The following KRTAP4-4 variants were observed in gnomAD, a reference collection of about 807,000 sequenced individuals.
KRTAP4-4 encodes the protein keratin associated protein 4-4, also known as keratin-associated protein 4-4.
For missense variants in KRTAP4-4, 186 were observed against 206.9 expected, an observed-to-expected ratio of 0.90 and a Z score of 0.62; for synonymous variants, 88 against 76.4, an observed-to-expected ratio of 1.15 and a Z score of -0.79.
In KRTAP4-4 at chr17:41,160,297, C is replaced by G; in HGVS notation, c.395G>C (p.Arg132Thr). 6.2e-7 allele frequency: 1 copy of G among 1,612,786 alleles called. No individual in the cohort carries two copies. The highest frequency in any genetic ancestry group is 8.5e-7 in the Non-Finnish European group (1 of 1,179,624). ...CPSYCVSSCC[R>T]PQCCQTTCCR... ...GCAGGTGGTCTGGCAGCACTGGGGT[C>G]TGCAGCAGCTGGACACACAGTAGCT... is the stretch of plus-strand genomic sequence containing the variant. The change falls in exon 1 of 1, where the codon AGA becomes ACA. Residue 132 changes from arginine (R) to threonine (T), a missense_variant. By Grantham distance (71) the Arg-to-Thr change is moderately conservative (BLOSUM62 -1). Coordinates refer to ENST00000390661, the MANE Select transcript of KRTAP4-4 (RefSeq NM_032524.2).
Position 41,159,696 on chromosome 17 carries a change from T to A in KRTAP4-4, c.*495A>T, listed in dbSNP as rs980851434. Reference sequence around the variant, plus strand: ...TATTTAAGATTTATTTAGATAAATATTTGTTTAAAATGGAATAGCTCCATA... The same window carrying A: ...TATTTAAGATTTATTTAGATAAATAATTGTTTAAAATGGAATAGCTCCATA... On this transcript the variant is annotated 3_prime_UTR_variant, in exon 1 of 1. Coordinates refer to ENST00000390661, the MANE Select transcript of KRTAP4-4 (RefSeq NM_032524.2). The A allele has an allele frequency of 1.2e-5, 2 of 170,214 alleles. No individual in the cohort carries two copies. The highest frequency in any genetic ancestry group is 1.3e-5 in the Non-Finnish European group (1 of 77,938). The allele number at this position is 170,214 out of a possible 1,614,324, so 10.5% of individuals were successfully genotyped here.
rs759134167 is a variant in KRTAP4-4 at position 41,160,268 on chromosome 17, T to C, written c.424A>G (p.Arg142Gly). Residue 142 changes from arginine (R) to glycine (G), a missense_variant, in exon 1 of 1, where the codon AGA (arginine) becomes GGA (glycine). Physicochemically the swap from Arg to Gly is moderately radical, Grantham distance 125. Transcript: ENST00000390661. ...CAGCTGGGGCGGCAGCAGGTGGTTC[T>C]GCAGCAGGTGGTCTGGCAGCACTGG... is the stretch of plus-strand genomic sequence containing the variant. ...RPQCCQTTCC[R>G]TTCCRPSCCV... 6.2e-7 allele frequency: 1 copy of C among 1,612,998 alleles called. No homozygotes were observed. Among genetic ancestry groups the C allele is most frequent in the Admixed American group, 1.7e-5 (1 of 59,942 alleles).
At position 41,160,381 on chromosome 17, in the gene KRTAP4-4, C is replaced by T; in HGVS notation, c.311G>A (p.Ser104Asn). Reference sequence around the variant, plus strand: ...CTGGCAGCACTGGGGCCTGCAGCAGCTGGGGCGGCAGCAGGTGGTCCTACA... The same window carrying T: ...CTGGCAGCACTGGGGCCTGCAGCAGTTGGGGCGGCAGCAGGTGGTCCTACA... ...TCCRTTCCRP[S>N]CCRPQCCQSV... Residue 104 changes from serine to asparagine, a missense_variant, in exon 1 of 1, where the codon AGC becomes AAC. Coordinates refer to ENST00000390661, the MANE Select transcript of KRTAP4-4 (RefSeq NM_032524.2). 1 of 1,610,442 alleles carries T rather than the reference C, an allele frequency of 6.2e-7. No individual in the cohort carries two copies. The highest frequency in any genetic ancestry group is 8.5e-7 in the Non-Finnish European group (1 of 1,179,236).
Position 41,160,670 on chromosome 17 carries a change from A to C in KRTAP4-4, c.22T>G (p.Ser8Ala). The C allele has an allele frequency of 6.2e-7, 1 of 1,612,290 alleles. No homozygotes were observed. Among genetic ancestry groups the C allele is most frequent in the Non-Finnish European group, 8.5e-7 (1 of 1,178,776 alleles). MVNSCCG[S>A]VCSDQGCGLE... is the part of the protein sequence containing the mutation. ...CCACAGCCCTGGTCAGAGCACACAG[A>C]GCCACAACAGGAGTTGACCATGGTG... is the stretch of plus-strand genomic sequence containing the variant. The change falls in exon 1 of 1, where the codon TCT becomes GCT. Residue 8 changes from serine (S) to alanine (A), a missense_variant. Ser to Ala is a moderately conservative substitution (Grantham distance 99). Transcript: ENST00000390661.
Position 41,159,967 on chromosome 17 carries a change from C to T in KRTAP4-4, c.*224G>A. The T allele has an allele frequency of 1.4e-6, 1 of 704,756 alleles. No individual in the cohort carries two copies. Among genetic ancestry groups the T allele is most frequent in the Non-Finnish European group, 2.4e-6 (1 of 414,368 alleles). The allele number at this position is 704,756 out of a possible 1,614,324, so 43.7% of individuals were successfully genotyped here. The stretch of plus-strand genomic sequence containing the variant: ...ATCTGGTGAGTCCAGATGACAGCCT[C>T]AGCAGCAAGAAGCACTAGAGCAGGT... On this transcript the variant is annotated 3_prime_UTR_variant, in exon 1 of 1. Coordinates refer to ENST00000390661, the MANE Select transcript of KRTAP4-4 (RefSeq NM_032524.2).
rs754594744 is a variant in KRTAP4-4 at position 41,160,198 on chromosome 17, C to T, written c.494G>A (p.Cys165Tyr). 2.5e-6 allele frequency: 4 copies of T among 1,613,178 alleles called. No individual in the cohort carries two copies. The South Asian group carries it at 4.4e-5, about 18-fold the overall frequency. Residue 165 changes from cysteine to tyrosine, a missense_variant, in exon 1 of 1, where the codon TGC (cysteine) becomes TAC (tyrosine). Transcript: ENST00000390661. ...CYRPHCGQSL[C>Y]C is the part of the protein sequence containing the mutation. ...GGTTTGCCAGCAGATGGGCTAGCAG[C>T]ATAGAGACTGGCCACAATGGGGCCT...
At position 41,160,272 on chromosome 17, in the gene KRTAP4-4, G is replaced by A; in HGVS notation, c.420C>T (p.Cys140=). 6.2e-7 allele frequency: 1 copy of A among 1,613,826 alleles called. No homozygotes were observed. The change falls in exon 1 of 1, where the codon TGC becomes TGT. Residue 140 remains cysteine, a synonymous_variant. Transcript: ENST00000390661. The stretch of plus-strand genomic sequence containing the variant: ...TGGGGCGGCAGCAGGTGGTTCTGCA[G>A]CAGGTGGTCTGGCAGCACTGGGGTC... ...CCRPQCCQTT[C]CRTTCCRPSC...
chr17:41,159,806 G>C lies in KRTAP4-4; in HGVS notation c.*385C>G. The C allele has an allele frequency of 9.9e-6, 3 of 302,620 alleles. No individual in the cohort carries two copies. Among genetic ancestry groups the C allele is most frequent in the Non-Finnish European group, 6.1e-6 (1 of 162,638 alleles). 18.7% of individuals were successfully genotyped at this position (302,620 alleles called of 1,614,324 possible). ...AATTACAACTTATGTTCATTTGGTA[G>C]AGAGGTAAAATGTGGGGGGAGCATA... is the stretch of plus-strand genomic sequence containing the variant. On this transcript the variant is annotated 3_prime_UTR_variant, in exon 1 of 1. Coordinates refer to ENST00000390661, the MANE Select transcript of KRTAP4-4 (RefSeq NM_032524.2).
rs370085827 is a variant in KRTAP4-4 at position 41,160,550 on chromosome 17, G to A, written c.142C>T (p.Pro48Ser). The part of the protein sequence containing the change: ...PSCCVSSCCR[P>S]QCCQTTCCRT... ...CAGCAGGTGGTCTGGCAGCACTGGGGTCTGCAGCAGCTGGACACACAGCAG... is the reference window on the plus strand; with the variant it reads ...CAGCAGGTGGTCTGGCAGCACTGGGATCTGCAGCAGCTGGACACACAGCAG... The change falls in exon 1 of 1, where the codon CCC becomes TCC. Residue 48 changes from proline to serine, a missense_variant. Pro to Ser is a moderately conservative substitution (Grantham distance 74, BLOSUM62 -1). Coordinates refer to ENST00000390661, the MANE Select transcript of KRTAP4-4 (RefSeq NM_032524.2). The A allele has an allele frequency of 3.7e-6, 6 of 1,613,640 alleles. No homozygotes were observed. Among genetic ancestry groups the A allele is most frequent in the Admixed American group, 3.3e-5 (2 of 59,966 alleles).
chr17:41,160,727 G>A lies in KRTAP4-4; in HGVS notation c.-36C>T. On this transcript the variant is annotated 5_prime_UTR_variant, in exon 1 of 1. Coordinates refer to ENST00000390661, the MANE Select transcript of KRTAP4-4 (RefSeq NM_032524.2). ...GGTGGAGGTTCTGGGTGGGTTTCCAGGAAGGAGGGTTTGGAAGGCTTGGAA... is the reference window on the plus strand; with the variant it reads ...GGTGGAGGTTCTGGGTGGGTTTCCAAGAAGGAGGGTTTGGAAGGCTTGGAA... 6.3e-7 allele frequency: 1 copy of A among 1,584,656 alleles called. No homozygotes were observed.
At position 41,159,880 on chromosome 17, in the gene KRTAP4-4, C is replaced by T; in HGVS notation, c.*311G>A. 1 of 495,040 alleles carries T rather than the reference C, an allele frequency of 2.0e-6. No homozygotes were observed. Among genetic ancestry groups the T allele is most frequent in the South Asian group, 2.6e-5 (1 of 37,992 alleles). The allele number at this position is 495,040 out of a possible 1,614,324, so 30.7% of individuals were successfully genotyped here. On this transcript the variant is annotated 3_prime_UTR_variant, in exon 1 of 1. Coordinates refer to ENST00000390661, the MANE Select transcript of KRTAP4-4 (RefSeq NM_032524.2). Reference sequence around the variant, plus strand: ...AAGAATTGGTTGGAACTGAAGTTTTCCAACTAGCTTCCCATAACTCAGCTC... The same window carrying T: ...AAGAATTGGTTGGAACTGAAGTTTTTCAACTAGCTTCCCATAACTCAGCTC...
Position 41,159,921 on chromosome 17 carries a change from C to T in KRTAP4-4, c.*270G>A. 1 of 605,036 alleles carries T rather than the reference C, an allele frequency of 1.7e-6. No individual in the cohort carries two copies. The highest frequency in any genetic ancestry group is 3.0e-6 in the Non-Finnish European group (1 of 338,112). The allele number at this position is 605,036 out of a possible 1,614,324, so 37.5% of individuals were successfully genotyped here. ...AACTCAGCTCATAGATGAGCTACATCAAGAATGCTGGTTGATGAGAATCTG... is the reference window on the plus strand; with the variant it reads ...AACTCAGCTCATAGATGAGCTACATTAAGAATGCTGGTTGATGAGAATCTG... On this transcript the variant is annotated 3_prime_UTR_variant, in exon 1 of 1. Transcript: ENST00000390661.
At position 41,159,885 on chromosome 17, in the gene KRTAP4-4, T is replaced by C; in HGVS notation, c.*306A>G. The C allele has an allele frequency of 2.0e-6, 1 of 508,520 alleles. No homozygotes were observed. Among genetic ancestry groups the C allele is most frequent in the Non-Finnish European group, 3.5e-6 (1 of 281,864 alleles). The allele number at this position is 508,520 out of a possible 1,614,324, so 31.5% of individuals were successfully genotyped here. ...TTGGTTGGAACTGAAGTTTTCCAAC[T>C]AGCTTCCCATAACTCAGCTCATAGA... On this transcript the variant is annotated 3_prime_UTR_variant, in exon 1 of 1. Coordinates refer to ENST00000390661, the MANE Select transcript of KRTAP4-4 (RefSeq NM_032524.2).
chr17:41,159,893 C>T lies in KRTAP4-4; in HGVS notation c.*298G>A. 2 of 536,840 alleles carry T rather than the reference C, an allele frequency of 3.7e-6. No homozygotes were observed. The highest frequency in any genetic ancestry group is 3.4e-6 in the Non-Finnish European group (1 of 297,856). The allele number at this position is 536,840 out of a possible 1,614,324, so 33.3% of individuals were successfully genotyped here. ...AACTGAAGTTTTCCAACTAGCTTCC[C>T]ATAACTCAGCTCATAGATGAGCTAC... On this transcript the variant is annotated 3_prime_UTR_variant, in exon 1 of 1. Coordinates refer to ENST00000390661, the MANE Select transcript of KRTAP4-4 (RefSeq NM_032524.2).
In KRTAP4-4 at chr17:41,160,345, C is replaced by A; in HGVS notation, c.347G>T (p.Cys116Phe). ...GCTGGGGCAGCAGCAGGTGGGCTGG[C>A]AGCACACAGACTGGCAGCACTGGGG... is the stretch of plus-strand genomic sequence containing the variant. The part of the protein sequence containing the change: ...CRPQCCQSVC[C>F]QPTCCCPSYC... Residue 116 changes from cysteine (C) to phenylalanine (F), a missense_variant, in exon 1 of 1, where the codon TGC becomes TTC. By Grantham distance (205) the Cys-to-Phe change is radical. Transcript: ENST00000390661. The A allele has an allele frequency of 6.2e-7, 1 of 1,611,920 alleles. No individual in the cohort carries two copies.
Position 41,159,942 on chromosome 17 carries a change from A to C in KRTAP4-4, c.*249T>G. 1 of 636,802 alleles carries C rather than the reference A, an allele frequency of 1.6e-6. No individual in the cohort carries two copies. The highest frequency in any genetic ancestry group is 2.0e-5 in the South Asian group (1 of 51,116). The allele number at this position is 636,802 out of a possible 1,614,324, so 39.4% of individuals were successfully genotyped here. A position where few individuals can be genotyped will look rare whatever the true frequency, so the allele number is the denominator to read the frequency against. ...ACATCAAGAATGCTGGTTGATGAGA[A>C]TCTGGTGAGTCCAGATGACAGCCTC... On this transcript the variant is annotated 3_prime_UTR_variant, in exon 1 of 1. Transcript: ENST00000390661.
rs1455750356 is a variant in KRTAP4-4, at chr17:41,160,401, C to T, written c.291G>A (p.Arg97=). ...RPQCCQTTCC[R]TTCCRPSCCR... The stretch of plus-strand genomic sequence containing the variant: ...AGCAGCTGGGGCGGCAGCAGGTGGT[C>T]CTACAGCAGGTAGTCTGGCAGCATT... The change falls in exon 1 of 1, where the codon AGG becomes AGA. Residue 97 remains arginine, a synonymous_variant. Transcript: ENST00000390661. 13 of 1,606,026 alleles carry T rather than the reference C, an allele frequency of 8.1e-6. No individual in the cohort carries two copies. The highest frequency in any genetic ancestry group is 1.1e-5 in the Non-Finnish European group (13 of 1,177,882).
rs1435942394 is a variant in KRTAP4-4 at position 41,160,245 on chromosome 17, G to C, written c.447C>G (p.Ser149Arg). Residue 149 changes from serine to arginine, a missense_variant, in exon 1 of 1, where the codon AGC becomes AGG. Physicochemically the swap from Ser to Arg is moderately radical, Grantham distance 110. Coordinates refer to ENST00000390661, the MANE Select transcript of KRTAP4-4 (RefSeq NM_032524.2). ...TCCRTTCCRPSCCVSRCYRPH... is the reference protein window; with the variant it reads ...TCCRTTCCRPRCCVSRCYRPH... ...GCCTGTAGCACCTGGACACACAGCA[G>C]CTGGGGCGGCAGCAGGTGGTTCTGC... 16 of 1,613,524 alleles carry C rather than the reference G, an allele frequency of 9.9e-6. No homozygotes were observed. Among genetic ancestry groups the C allele is most frequent in the Middle Eastern group, 1.7e-4 (1 of 6,042 alleles).
Position 41,160,197 on chromosome 17 carries a change from G to A in KRTAP4-4, c.495C>T (p.Cys165=). 6.2e-7 allele frequency: 1 copy of A among 1,613,374 alleles called. No homozygotes were observed. The highest frequency in any genetic ancestry group is 8.5e-7 in the Non-Finnish European group (1 of 1,179,712). ...CYRPHCGQSL[C]C Reference sequence around the variant, plus strand: ...TGGTTTGCCAGCAGATGGGCTAGCAGCATAGAGACTGGCCACAATGGGGCC... The same window carrying A: ...TGGTTTGCCAGCAGATGGGCTAGCAACATAGAGACTGGCCACAATGGGGCC... The change falls in exon 1 of 1, where the codon TGC becomes TGT. Residue 165 remains cysteine, a synonymous_variant. Transcript: ENST00000390661.
Sources: allele counts gnomAD v4.1 joint callset, GRCh38; gene constraint gnomAD v4.1.1; transcripts MANE v1.5; gene names NCBI Gene and HGNC (gene_info 2026-07-23, HGNC 2026-07-21).